Variants in AGBL4 observed in about 807,000 individuals in gnomAD.
AGBL4 encodes cytosolic carboxypeptidase 6.
Under a neutral mutation model 66.4 loss-of-function variants are expected in AGBL4, and 58 were observed. The observed-to-expected ratio is 0.87, with a 90% CI of 0.71 to 1.09. The LOEUF is 1.09. Among genes scored for constraint, AGBL4 ranks in the 50% least tolerant of loss-of-function variants. AGBL4 has a pLI of 0.00. For missense variants in AGBL4, 579 were observed against 631.0 expected, an observed-to-expected ratio of 0.92 and a Z score of 0.88; for synonymous variants, 234 against 222.9, an observed-to-expected ratio of 1.05 and a Z score of -0.44.
chr1:49,849,506 C>CACACACATACAT (rs1553133768), intron 2 of AGBL4, among the ~76,000 whole-genome samples: 1 of 144,816 alleles, frequency 6.9e-6, no homozygotes, highest in African/African-American at 2.6e-5. Context: ...CACACACACA[C>CACACACATACAT]ACATACATAC....
At chr1:48,610,208 T>C (rs1160558896) in intron 9 of AGBL4, among the ~76,000 whole-genome samples, 2 of 152,206 alleles carry the variant, frequency 1.3e-5, no homozygotes, top group Non-Finnish European at 2.9e-5. Context: ...TAATCCAATA[T>C]TGGCTTTGTC....
At chr1:49,783,238 C>A (rs1644377209) in intron 2 of AGBL4, among the ~76,000 whole-genome samples, 1 of 151,888 alleles carries the variant, frequency 6.6e-6, no homozygotes, top group African/African-American at 2.4e-5. Flanking sequence ...AAAATATCAC[C>A]AGAAAAGAAA....
intron 11 of AGBL4, among the ~76,000 whole-genome samples, chr1:48,556,085 C>T (rs922244365): frequency 6.6e-6 from 1 of 151,982 alleles, no homozygotes; most frequent in Non-Finnish European, 1.5e-5. Flanking sequence ...TATTATGATT[C>T]CTATAGTGAA....
intron 4 of AGBL4, among the ~76,000 whole-genome samples, chr1:49,109,119 G>C (rs1349397865): frequency 1.3e-5 from 2 of 152,164 alleles, no homozygotes; most frequent in African/African-American, 2.4e-5. Flanking sequence ...ACTGAAAGCA[G>C]AACTGCTCTA....
intron 2 of AGBL4, among the ~76,000 whole-genome samples, chr1:49,799,974 G>A (rs538069429): frequency 6.6e-6 from 1 of 152,132 alleles, no homozygotes; most frequent in South Asian, 2.1e-4. Context: ...GGTAGGAGTA[G>A]AGAGGAAAAA....
chr1:48,763,317 G>A (rs962399174), intron 6 of AGBL4, among the ~76,000 whole-genome samples: 3 of 152,158 alleles, frequency 2.0e-5, no homozygotes, highest in Non-Finnish European at 4.4e-5. Flanking sequence ...CATCCAATGG[G>A]TTAGGCATGA....
At chr1:48,761,301 C>T in intron 6 of AGBL4, 1 of 1,528,064 alleles carries the variant, frequency 6.5e-7, no homozygotes. Context: ...TGAAAATGCT[C>T]CAGCATACCT....
intron 2 of AGBL4, among the ~76,000 whole-genome samples, chr1:49,847,524 C>G (rs1646180474): frequency 6.6e-6 from 1 of 152,008 alleles, no homozygotes; most frequent in South Asian, 2.1e-4. Flanking sequence ...GGACAGGGGA[C>G]TAATATCCAA....
intron 4 of AGBL4, among the ~76,000 whole-genome samples, chr1:49,123,507 A>C (rs775575571): frequency 9.2e-5 from 14 of 152,214 alleles, no homozygotes; most frequent in Non-Finnish European, 1.6e-4. Flanking sequence ...GCCAAGTTTC[A>C]AGAGAACAAC....
chr1:49,577,492 G>A (rs142100039), intron 3 of AGBL4, among the ~76,000 whole-genome samples: 1 of 152,328 alleles, frequency 6.6e-6, no homozygotes, highest in Non-Finnish European at 1.5e-5. Flanking sequence ...TTGCTGGCAG[G>A]TTGATTATAT....
chr1:48,832,885 G>T (rs1323257985), intron 6 of AGBL4, among the ~76,000 whole-genome samples: 2 of 152,126 alleles, frequency 1.3e-5, no homozygotes, highest in African/African-American at 4.8e-5. Flanking sequence ...TGGCTGTCCT[G>T]GTTCTCAGAC....
At chr1:48,569,717 C>T (rs1314572197) in intron 11 of AGBL4, among the ~76,000 whole-genome samples, 1 of 152,150 alleles carries the variant, frequency 6.6e-6, no homozygotes, top group Admixed American at 6.5e-5. Context: ...GGCCGACAGA[C>T]CTGGGTTTGC....
chr1:49,414,178 T>C (rs1459544104), intron 3 of AGBL4, among the ~76,000 whole-genome samples: 2 of 152,180 alleles, frequency 1.3e-5, no homozygotes, highest in Non-Finnish European at 2.9e-5. Flanking sequence ...TTTATAAAAT[T>C]GTATATGTAG....
At chr1:49,215,850 C>T (rs1557736890) in intron 4 of AGBL4, among the ~76,000 whole-genome samples, 1 of 152,038 alleles carries the variant, frequency 6.6e-6, no homozygotes, top group Admixed American at 6.6e-5. Flanking sequence ...TTCCTCCTCC[C>T]ATTCCAGAAG....
At chr1:49,023,785 C>T (rs1187543569) in intron 5 of AGBL4, among the ~76,000 whole-genome samples, 2 of 152,188 alleles carry the variant, frequency 1.3e-5, no homozygotes, top group Non-Finnish European at 2.9e-5. Flanking sequence ...CCCAAACTGT[C>T]TAACATCTAA....
Position 49,832,574 on chromosome 1 carries a change from C to T in AGBL4, c.157+18822G>A, listed in dbSNP as rs370836256. ...CTAGATCCCTGAGGAATCGCCACAC[C>T]GACTTCCACAATGGTTGAACTAGTT... On this transcript the variant is annotated intron_variant, in intron 2 of 13. Coordinates refer to ENST00000371839, the MANE Select transcript of AGBL4 (RefSeq NM_032785.4). 6.4e-3 allele frequency among the ~76,000 whole-genome samples: 967 copies of T among 151,664 alleles called. 5 individuals carry two copies. Among genetic ancestry groups the T allele is most frequent in the African/African-American group, 0.021 (869 of 41,294 alleles).
chr1:49,443,767 C>G (rs554921812), intron 3 of AGBL4, among the ~76,000 whole-genome samples: 1 of 150,578 alleles, frequency 6.6e-6, no homozygotes, highest in African/African-American at 2.4e-5. Flanking sequence ...TTATTTATAT[C>G]TGTTCTGATT....
At chr1:49,084,565 C>T (rs186788659) in intron 4 of AGBL4, among the ~76,000 whole-genome samples, 1 of 152,228 alleles carries the variant, frequency 6.6e-6, no homozygotes, top group Admixed American at 6.5e-5. Flanking sequence ...GGAGAAACCA[C>T]CCCCATGATT....
chr1:49,549,056 G>A (rs887532069), intron 3 of AGBL4, among the ~76,000 whole-genome samples: 4 of 149,530 alleles, frequency 2.7e-5, no homozygotes, highest in Non-Finnish European at 5.9e-5. Context: ...TAGTTTATGC[G>A]CATAAACTAG....
Sources: gnomAD v4.1 joint callset for allele counts (sites outside exome capture counted in the v4.1 genomes callset) on GRCh38, gnomAD v4.1.1 for gene constraint, MANE v1.5 for transcripts, NCBI Gene and HGNC (gene_info 2026-07-23, HGNC 2026-07-21) for gene names.